PLEC: variants seen among roughly 807,000 people sequenced by gnomAD.
The protein encoded by PLEC is plectin.
In PLEC, 216 loss-of-function variants were observed where a neutral mutation model predicts 392.8. That is an observed-to-expected ratio of 0.55 (90% confidence interval 0.49 to 0.62). The LOEUF is 0.62. Ranked by LOEUF, PLEC falls within the 20% of genes least tolerant of loss-of-function variation. The pLI, the probability that PLEC is intolerant of heterozygous loss-of-function variation, is 0.00. For synonymous variants in PLEC, 3,621 were observed against 2,980.6 expected (o/e 1.21, Z -7.00); for missense variants, 6,863 against 6,563.4 (o/e 1.05, Z -1.58).
intron 5 of PLEC, 58 bp from the exon 6 acceptor site, chr8:143,936,072 C>T: frequency 1.9e-6 from 3 of 1,585,092 alleles, no homozygotes; most frequent in South Asian, 2.2e-5. Flanking sequence ...CTGCTCTGTG[C>T]CCACAGCCAC....
rs1554690479 is a variant in PLEC, at chr8:143,922,785, C to T, written c.7144G>A (p.Ala2382Thr). The T allele has an allele frequency of 6.3e-7, 1 of 1,598,968 alleles. No individual in the cohort carries two copies. Among genetic ancestry groups the T allele is most frequent in the African/African-American group, 1.3e-5 (1 of 74,700 alleles). ...RQRQLEMSAEAERLKLRVAEM... is the reference protein window; with the variant it reads ...RQRQLEMSAETERLKLRVAEM... ...GCCACACGCAGCTTGAGGCGCTCAG[C>T]CTCAGCGCTCATCTCCAGCTGCCGC... Residue 2382 changes from alanine to threonine, a missense_variant, in exon 31 of 32, where the codon GCT (alanine) becomes ACT (threonine). Transcript: ENST00000345136.
chr8:143,936,848 C>CCATACCTACGGCGCCAGT (rs1829180271), intron 5 of PLEC, 131 bp downstream of exon 5: 4 of 733,150 alleles, frequency 5.5e-6, no homozygotes. Flanking sequence ...CCAGGTGCCA[C>CCATACCTACGGCGCCAGT]CATACCTACG....
rs782268573 is a variant in PLEC, at chr8:143,917,171, G to A, written c.12650C>T (p.Ser4217Leu). The A allele has an allele frequency of 3.2e-5, 52 of 1,611,754 alleles. No homozygotes were observed. The highest frequency in any genetic ancestry group is 3.8e-5 in the Non-Finnish European group (45 of 1,178,778). ...DAIAKNLIDR[S>L]ALDQYRAGTL... The stretch of plus-strand genomic sequence containing the variant: ...GCCGGCGCGGTACTGGTCCAGTGCC[G>A]AGCGGTCGATGAGGTTCTTGGCGAT... The change falls in exon 32 of 32, where the codon TCG becomes TTG. Residue 4217 changes from serine (S) to leucine (L), a missense_variant. By Grantham distance (145) the Ser-to-Leu change is moderately radical. Coordinates refer to ENST00000345136, the MANE Select transcript of PLEC (RefSeq NM_201384.3).
At chr8:143,943,951 T>C (rs1418184148), upstream of PLEC, 22 of 1,577,020 alleles carry the variant, frequency 1.4e-5, no homozygotes, top group Non-Finnish European at 1.8e-5. Context: ...TGCTCCAGGC[T>C]AGACAGCCCC....
intron 19 of PLEC, among the ~76,000 whole-genome samples, chr8:143,931,246 C>T (rs947251643): frequency 6.6e-6 from 1 of 152,140 alleles, no homozygotes; most frequent in Admixed American, 6.5e-5. Flanking sequence ...GGACCGGCTG[C>T]CTCTCGGCTC....
intron 1 of PLEC, among the ~76,000 whole-genome samples, chr8:143,949,280 G>A (rs1210712749): frequency 6.6e-6 from 1 of 152,246 alleles, no homozygotes; most frequent in Non-Finnish European, 1.5e-5. Flanking sequence ...CTGCTCCCAG[G>A]TGCCAGCCCC....
At position 143,927,533 on chromosome 8, in the gene PLEC, G is replaced by A; in HGVS notation, c.3633C>T (p.Tyr1211=). The part of the protein sequence containing the change: ...ELEQLGRQLR[Y]YRESADPLGA... ...CCAAGGGGTCTGCACTCTCGCGGTA[G>A]TAACGCAGCTGGCGGCCCAGTTGCT... Residue 1211 remains tyrosine, a synonymous_variant, in exon 27 of 32, where the codon TAC becomes TAT. Transcript: ENST00000345136. 2.5e-6 allele frequency: 4 copies of A among 1,597,298 alleles called. No homozygotes were observed. In the South Asian group the frequency reaches 4.4e-5, roughly 18 times the overall value.
exon 1 of PLEC, chr8:143,950,286 G>A (rs556117085): frequency 1.5e-5 from 24 of 1,570,712 alleles, no homozygotes; most frequent in East Asian, 1.4e-4. Context: ...TCCTTCCGAC[G>A]GTAGACCCGC....
Position 143,932,474 on chromosome 8 carries a change from T to C in PLEC, c.1903A>G (p.Lys635Glu), listed in dbSNP as rs369207565. 40 of 1,612,592 alleles carry C rather than the reference T, an allele frequency of 2.5e-5. No individual in the cohort carries two copies. Among genetic ancestry groups the C allele is most frequent in the East Asian group, 1.3e-4 (6 of 44,880 alleles). Residue 635 changes from lysine to glutamate, a missense_variant, in exon 16 of 32, where the codon AAG (lysine) becomes GAG (glutamate). Coordinates refer to ENST00000345136, the MANE Select transcript of PLEC (RefSeq NM_201384.3). ...TCGAAGCCCACCTCCTCCTCCTCCTTCTCATTCAGCCACATTAGCTCCTTA... is the reference window on the plus strand; with the variant it reads ...TCGAAGCCCACCTCCTCCTCCTCCTCCTCATTCAGCCACATTAGCTCCTTA... ...ATKELMWLNE[K>E]EEEEVGFDWS...
Position 143,969,062 on chromosome 8 carries a change from G to T in PLEC, c.70+4341C>A, listed in dbSNP as rs993003714. On this transcript the variant is annotated intron_variant, in intron 1 of 31. Transcript: ENST00000356346. The surrounding 1 kb of genome is among the most constrained non-coding windows in gnomAD (Gnocchi z 5.1). ...ACCACACAAAAACGTGTATGCAAAC[G>T]TCCATAGCAGCCTCACTCATAACAG... 1.3e-5 allele frequency among the ~76,000 whole-genome samples: 2 copies of T among 152,116 alleles called. No individual in the cohort carries two copies. Among genetic ancestry groups the T allele is most frequent in the African/African-American group, 4.8e-5 (2 of 41,436 alleles).
rs782660579 is a variant in PLEC, at chr8:143,935,233, C to T, written c.683G>A (p.Arg228Gln). 8.1e-6 allele frequency: 13 copies of T among 1,612,434 alleles called. No homozygotes were observed. Among genetic ancestry groups the T allele is most frequent in the African/African-American group, 1.3e-5 (1 of 75,014 alleles). ...NLDQAFSVAE[R>Q]DLGVTRLLDP... ...CAGGAGCCGCGTCACTCCCAGGTCC[C>T]GCTCCGCCACAGAGAAGGCCTGGTC... is the stretch of plus-strand genomic sequence containing the variant. Residue 228 changes from arginine to glutamine, a missense_variant, in exon 7 of 32, where the codon CGG (arginine) becomes CAG (glutamine). Physicochemically the swap from Arg to Gln is conservative, Grantham distance 43 (BLOSUM62 1). Coordinates refer to ENST00000345136, the MANE Select transcript of PLEC (RefSeq NM_201384.3).
Position 143,929,521 on chromosome 8 carries a change from T to C in PLEC, c.2974A>G (p.Ile992Val). The C allele has an allele frequency of 6.2e-7, 1 of 1,612,530 alleles. No individual in the cohort carries two copies. Among genetic ancestry groups the C allele is most frequent in the Non-Finnish European group, 8.5e-7 (1 of 1,179,900 alleles). The change falls in exon 24 of 32, where the codon ATC becomes GTC. Residue 992 changes from isoleucine (I) to valine (V), a missense_variant. Coordinates refer to ENST00000345136, the MANE Select transcript of PLEC (RefSeq NM_201384.3). The part of the protein sequence containing the change: ...CQRCISELKD[I>V]RLQLEACETR... ...TCACAGGCCTCCAGCTGCAGCCGGA[T>C]GTCTTTGAGCTCGGAGATGCAGCGC... is the stretch of plus-strand genomic sequence containing the variant.
chr8:143,916,152 C>T lies in PLEC; in HGVS notation c.*25G>A, dbSNP rs1372867774. Reference sequence around the variant, plus strand: ...GGTGGGAGCCGGGCTGGGCCGCATGCAGAGCGGGGTGGGCGCAGGCAGCCT... The same window carrying T: ...GGTGGGAGCCGGGCTGGGCCGCATGTAGAGCGGGGTGGGCGCAGGCAGCCT... On this transcript the variant is annotated 3_prime_UTR_variant, in exon 32 of 32. Coordinates refer to ENST00000345136, the MANE Select transcript of PLEC (RefSeq NM_201384.3). 9 of 1,504,788 alleles carry T rather than the reference C, an allele frequency of 6.0e-6. No homozygotes were observed. The highest frequency in any genetic ancestry group is 6.2e-6 in the Non-Finnish European group (7 of 1,127,790). 93.2% of individuals were successfully genotyped at this position (1,504,788 alleles called of 1,614,324 possible). A position where few individuals can be genotyped will look rare whatever the true frequency, so the allele number is the denominator to read the frequency against.
chr8:143,947,703 CTG>C (rs1387837893), intron 1 of PLEC, among the ~76,000 whole-genome samples: 2 of 152,184 alleles, frequency 1.3e-5, no homozygotes, highest in Non-Finnish European at 2.9e-5. Context: ...TGAGCCAAGA[CTG>C]TGCTATTGCA....
chr8:143,942,753 G>A (rs1830744195), upstream of PLEC, among the ~76,000 whole-genome samples: 1 of 152,258 alleles, frequency 6.6e-6, no homozygotes, highest in African/African-American at 2.4e-5. Flanking sequence ...GGGCCGGGCT[G>A]GGAGGCTGCC....
chr8:143,970,168 T>G (rs1833344699), intron 1 of PLEC, among the ~76,000 whole-genome samples: 1 of 151,230 alleles, frequency 6.6e-6, no homozygotes, highest in African/African-American at 2.4e-5. Flanking sequence ...TTTGCACGGG[T>G]GAGTGGGTGA....
chr8:143,938,402 T>G (rs1554725503), intron 2 of PLEC, 162 bp from the exon 3 acceptor site: 1 of 1,535,526 alleles, frequency 6.5e-7, no homozygotes, highest in Non-Finnish European at 8.7e-7. Context: ...GGCACCTACC[T>G]CTGCCCGCCA....
Position 143,950,645 on chromosome 8 carries a change from C to CG in PLEC, c.61dup (p.Arg21ProfsTer57), listed in dbSNP as rs782099609. ...CTTCTTGGCCACCATCACGCCCTCGCGGAAGAGCACCTCATAGATGGCCCG... is the reference window on the plus strand; with the variant it reads ...CTTCTTGGCCACCATCACGCCCTCGCGGGAAGAGCACCTCATAGATGGCCCG... On this transcript the variant is annotated frameshift_variant, in exon 1 of 32. Transcript: ENST00000322810. LOFTEE classifies it high-confidence loss of function. The CG allele has an allele frequency of 2.5e-6, 4 of 1,590,888 alleles. No individual in the cohort carries two copies. Among genetic ancestry groups the CG allele is most frequent in the Middle Eastern group, 1.7e-4 (1 of 6,032 alleles).
intron 1 of PLEC, among the ~76,000 whole-genome samples, chr8:143,965,041 A>G (rs925130203): frequency 2.8e-5 from 1 of 36,062 alleles, no homozygotes; most frequent in Non-Finnish European, 5.1e-5. Context: ...GGCCTTCCCC[A>G]CCCTCACCGT....
Sources: allele counts gnomAD v4.1 joint callset (sites outside exome capture counted in the v4.1 genomes callset), GRCh38; gene constraint gnomAD v4.1.1; non-coding constraint Gnocchi (gnomAD v3.1); transcripts MANE v1.5; gene names NCBI Gene and HGNC (gene_info 2026-07-23, HGNC 2026-07-21).